RLIM: variants seen among roughly 807,000 people sequenced by gnomAD.
RLIM encodes ring finger protein, LIM domain interacting.
A neutral mutation model predicts 34.0 loss-of-function variants in RLIM; 2 were observed. The ratio of observed to expected loss-of-function variants is 0.06; its 90% CI spans 0.02 to 0.19. RLIM has a LOEUF of 0.19. Ranked by LOEUF, RLIM falls within the 10% of genes least tolerant of loss-of-function variation. RLIM has a pLI of 1.00. For missense variants in RLIM, 286 were observed against 479.7 expected (o/e 0.60, Z 3.77); for synonymous variants, 169 against 164.0 (o/e 1.03, Z -0.23).
intron 2 of RLIM, among the ~76,000 whole-genome samples, chrX:74,595,397 G>C (rs1233101601): frequency 2.7e-5 from 3 of 111,939 alleles, no homozygotes; most frequent in Non-Finnish European, 5.6e-5. Flanking sequence ...TAATTGCTAT[G>C]TTACCCAAGG....
chrX:74,601,204 T>C (rs779328088), intron 1 of RLIM, among the ~76,000 whole-genome samples: 2 of 112,085 alleles, frequency 1.8e-5, no homozygotes, highest in Admixed American at 9.5e-5. Context: ...TTCCATTTTG[T>C]TTCTATTTTA....
At chrX:74,594,516 T>C (rs2079630907) in intron 2 of RLIM, 127 bp from the exon 3 acceptor site, 3 of 455,717 alleles carry the variant, frequency 6.6e-6, no homozygotes, top group Non-Finnish European at 1.0e-5. Flanking sequence ...AGAGAAAACT[T>C]TTTCAAACCA....
At chrX:74,613,734 GAGAACA>G (rs2079722849) in intron 1 of RLIM, among the ~76,000 whole-genome samples, 1 of 107,973 alleles carries the variant, frequency 9.3e-6, no homozygotes, top group South Asian at 4.2e-4. Context: ...CCTTATCCAG[GAGAACA>G]CAACAAACAC....
At chrX:74,596,529 G>A (rs780412306) in intron 1 of RLIM, among the ~76,000 whole-genome samples, 13 of 112,291 alleles carry the variant, frequency 1.2e-4, no homozygotes, top group Non-Finnish European at 1.9e-4. Flanking sequence ...TTACAGGCAT[G>A]AGCCACCGCA....
chrX:74,608,248 C>T (rs150771309), intron 1 of RLIM, among the ~76,000 whole-genome samples: 1,156 of 111,239 alleles, frequency 0.01, 19 homozygotes, highest in African/African-American at 0.036. Flanking sequence ...GAATCTGTAA[C>T]TGTAAATAAG....
At position 74,586,888 on chromosome X, in the gene RLIM, G is replaced by A. The variant is rs1375190347; in HGVS notation, c.*4552C>T. The A allele has an allele frequency of 9.0e-6, 1 of 111,626 alleles. No individual in the cohort carries two copies. Among genetic ancestry groups the A allele is most frequent in the Non-Finnish European group, 1.9e-5 (1 of 53,195 alleles). 9.2% of individuals were successfully genotyped at this position (111,626 alleles called of 1,213,427 possible). On this transcript the variant is annotated 3_prime_UTR_variant, in exon 4 of 4. Coordinates refer to ENST00000332687, the MANE Select transcript of RLIM (RefSeq NM_016120.4). ...GCAGGCAAATTGCCTGAGCCCAGGA[G>A]TTCAAGAACAGCCTGGACAACATGG... is the stretch of plus-strand genomic sequence containing the variant.
intron 1 of RLIM, among the ~76,000 whole-genome samples, chrX:74,608,327 A>G (rs1392869964): frequency 9.0e-6 from 1 of 111,034 alleles, no homozygotes; most frequent in African/African-American, 3.3e-5. Flanking sequence ...TAACTAGGAC[A>G]TAAGCTTATA....
chrX:74,594,438 C>T (rs775435635), intron 2 of RLIM, 49 bp from the exon 3 acceptor site: 2 of 820,171 alleles, frequency 2.4e-6, no homozygotes, highest in African/African-American at 4.2e-5. Context: ...GTATGACAAT[C>T]AAATACTTTA....
At position 74,584,124 on chromosome X, in the gene RLIM, A is replaced by C. The variant is rs1170347238; in HGVS notation, c.*7316T>G. ...CCAGCCAAAACTGATGTTTTTCCTA[A>C]GAAATCACACCTCATAAGCAATCTA... On this transcript the variant is annotated 3_prime_UTR_variant, in exon 4 of 4. Coordinates refer to ENST00000332687, the MANE Select transcript of RLIM (RefSeq NM_016120.4). 8.9e-6 allele frequency among the ~76,000 whole-genome samples: 1 copy of C among 112,015 alleles called. No individual in the cohort carries two copies. Among genetic ancestry groups the C allele is most frequent in the East Asian group, 2.8e-4 (1 of 3,590 alleles).
At chrX:74,593,667 A>C (rs1365893961) in intron 3 of RLIM, among the ~76,000 whole-genome samples, 1 of 112,873 alleles carries the variant, frequency 8.9e-6, no homozygotes, top group Non-Finnish European at 1.9e-5. Flanking sequence ...TGAACCTTGC[A>C]TAGCACATAT....
At chrX:74,611,624 A>C (rs1407433614) in intron 1 of RLIM, among the ~76,000 whole-genome samples, 1 of 112,175 alleles carries the variant, frequency 8.9e-6, no homozygotes, top group Non-Finnish European at 1.9e-5. Flanking sequence ...ATTGCTGGAT[A>C]ACCTTTAAGT....
At chrX:74,607,303 T>G (rs2079686733) in intron 1 of RLIM, among the ~76,000 whole-genome samples, 1 of 112,201 alleles carries the variant, frequency 8.9e-6, no homozygotes. Context: ...TATAATAAAG[T>G]TCTAAAGCAG....
rs912875273 is a variant in RLIM, at chrX:74,584,032, G to A, written c.*7408C>T. On this transcript the variant is annotated 3_prime_UTR_variant, in exon 4 of 4. Transcript: ENST00000332687. ...TGCACTCCAGCCTGGGCGACAGGGC[G>A]AGAATCCATCTCAAACAAACAAAAA... Among the ~76,000 whole-genome samples the A allele has an allele frequency of 5.4e-5, 6 of 111,674 alleles. No individual in the cohort carries two copies. Among genetic ancestry groups the A allele is most frequent in the South Asian group, 7.5e-4 (2 of 2,681 alleles).
chrX:74,594,526 A>G (rs2079630920), intron 2 of RLIM, 137 bp from the exon 3 acceptor site: 2 of 420,607 alleles, frequency 4.8e-6, no homozygotes, highest in African/African-American at 2.6e-5. Context: ...TTTTCAAACC[A>G]AAAAGAAAAA....
At position 74,587,759 on chromosome X, in the gene RLIM, A is replaced by T. The variant is rs1487679339; in HGVS notation, c.*3681T>A. On this transcript the variant is annotated 3_prime_UTR_variant, in exon 4 of 4. Coordinates refer to ENST00000332687, the MANE Select transcript of RLIM (RefSeq NM_016120.4). ...AGTTAAATACAAAGCATATTATGTGATAACCCTTCATAAATATAATTTGAG... is the reference window on the plus strand; with the variant it reads ...AGTTAAATACAAAGCATATTATGTGTTAACCCTTCATAAATATAATTTGAG... The T allele has an allele frequency of 8.9e-6, 1 of 111,865 alleles. No homozygotes were observed. The highest frequency in any genetic ancestry group is 2.8e-4 in the East Asian group (1 of 3,565). The allele number at this position is 111,865 out of a possible 1,213,427, so 9.2% of individuals were successfully genotyped here. A position where few individuals can be genotyped will look rare whatever the true frequency, so the allele number is the denominator to read the frequency against.
chrX:74,607,795 C>A (rs766572597), intron 1 of RLIM, among the ~76,000 whole-genome samples: 1 of 112,755 alleles, frequency 8.9e-6, no homozygotes, highest in African/African-American at 3.2e-5. Flanking sequence ...CCTTTAAGAA[C>A]TAGTGACATG....
chrX:74,601,887 G>A (rs958133268), intron 1 of RLIM, among the ~76,000 whole-genome samples: 7 of 111,678 alleles, frequency 6.3e-5, no homozygotes, highest in Admixed American at 3.8e-4. Flanking sequence ...TAAGCCTCCA[G>A]GTGATGTTGA....
chrX:74,594,336 G>T lies in RLIM; in HGVS notation c.223C>A (p.Pro75Thr). 8.3e-7 allele frequency: 1 copy of T among 1,206,862 alleles called. No homozygotes were observed. The highest frequency in any genetic ancestry group is 1.1e-6 in the Non-Finnish European group (1 of 893,695). ...LRRLQQIKEG[P>T]PPQNSDENRG... ...TTTTCATCTGAGTTTTGCGGTGGTGGGCCTTCTTTAATTTGCTGTAGTCGT... is the reference window on the plus strand; with the variant it reads ...TTTTCATCTGAGTTTTGCGGTGGTGTGCCTTCTTTAATTTGCTGTAGTCGT... The change falls in exon 3 of 4, where the codon CCA becomes ACA. Residue 75 changes from proline to threonine, a missense_variant. Pro to Thr is a conservative substitution (Grantham distance 38, BLOSUM62 -1). Transcript: ENST00000332687.
At chrX:74,604,098 G>C (rs1163746886) in intron 1 of RLIM, among the ~76,000 whole-genome samples, 1 of 97,836 alleles carries the variant, frequency 1.0e-5, no homozygotes, top group African/African-American at 3.9e-5. Flanking sequence ...CTGGGCGACA[G>C]AGTAGACTCT....
Sources: allele counts gnomAD v4.1 joint callset (sites outside exome capture counted in the v4.1 genomes callset), GRCh38; gene constraint gnomAD v4.1.1; transcripts MANE v1.5; gene names NCBI Gene and HGNC (gene_info 2026-07-23, HGNC 2026-07-21).